The following GOLM2 variants were observed in gnomAD, a reference collection of about 807,000 sequenced individuals.
The protein encoded by GOLM2 is protein GOLM2.
Under a neutral mutation model 55.9 loss-of-function variants are expected in GOLM2, and 26 were observed. The ratio of observed to expected loss-of-function variants is 0.47; its 90% CI spans 0.34 to 0.65. GOLM2 has a LOEUF of 0.65. GOLM2 is among the 30% of genes least tolerant of loss of function. GOLM2 has a pLI of 0.01. For missense variants in GOLM2, 486 were observed against 531.8 expected (o/e 0.91, Z 0.85); for synonymous variants, 165 against 194.6 (o/e 0.85, Z 1.27).
chr15:44,378,022 T>A (rs1335699915), intron 6 of GOLM2, among the ~76,000 whole-genome samples: 1 of 149,320 alleles, frequency 6.7e-6, no homozygotes, highest in Non-Finnish European at 1.5e-5. Context: ...TATATATATA[T>A]ATTTTTTAAA....
chr15:44,307,531 A>G (rs541859700), intron 1 of GOLM2: 1 of 152,306 alleles, frequency 6.6e-6, no homozygotes, highest in African/African-American at 2.4e-5. Context: ...CTAATTCTCA[A>G]TGGGCAGAAT....
intron 1 of GOLM2, among the ~76,000 whole-genome samples, chr15:44,300,017 T>C (rs1039806813): frequency 2.7e-5 from 4 of 150,480 alleles, no homozygotes; most frequent in Non-Finnish European, 5.9e-5. Context: ...GGAGGATCAC[T>C]TGAGCCCAGG....
Position 44,380,813 on chromosome 15 carries a change from C to T in GOLM2, c.909C>T (p.His303=), listed in dbSNP as rs749075088. ...GATGTTTTTATGCCACAGATTCACA[C>T]ATAAACCACAATGGAAACCCCGGTA... The part of the protein sequence containing the change: ...PLSPNMPPDS[H]INHNGNPGTS... Residue 303 remains histidine, a synonymous_variant, in exon 8 of 10, where the codon CAC becomes CAT. Transcript: ENST00000299957. 4.6e-6 allele frequency: 7 copies of T among 1,536,010 alleles called. No homozygotes were observed. Among genetic ancestry groups the T allele is most frequent in the African/African-American group, 1.4e-5 (1 of 72,546 alleles).
rs60091801 is a variant in GOLM2 at position 44,409,592 on chromosome 15, C to CAAAAAAAAA, written c.1241-3718_1241-3710dup. 9 of 17,008 alleles carry CAAAAAAAAA rather than the reference C, an allele frequency of 5.3e-4. 1 individual carries two copies. Among genetic ancestry groups the CAAAAAAAAA allele is most frequent in the East Asian group, 2.6e-3 (2 of 764 alleles). The allele number at this position is 17,008 out of a possible 1,614,324, so 1.1% of individuals were successfully genotyped here. ...GCTACAACAGCAAGACCCTCTCTCT[C>CAAAAAAAAA]AAAAAAAAAAAAAAAAAAAAAAAAA... On this transcript the variant is annotated intron_variant, in intron 9 of 9. Coordinates refer to ENST00000299957, the MANE Select transcript of GOLM2 (RefSeq NM_138423.4).
intron 6 of GOLM2, among the ~76,000 whole-genome samples, chr15:44,362,520 C>G (rs1478125873): frequency 6.6e-6 from 1 of 151,732 alleles, no homozygotes; most frequent in Admixed American, 6.6e-5. Context: ...GAACTACAAA[C>G]CACTGCTCAA....
At chr15:44,295,326 C>T (rs909773406) in intron 1 of GOLM2, among the ~76,000 whole-genome samples, 3 of 152,132 alleles carry the variant, frequency 2.0e-5, no homozygotes, top group African/African-American at 7.2e-5. Flanking sequence ...GTGATCTGCC[C>T]ACCTTGGCCT....
intron 6 of GOLM2, among the ~76,000 whole-genome samples, chr15:44,379,333 C>T (rs1412730654): frequency 1.3e-5 from 2 of 152,020 alleles, no homozygotes; most frequent in Non-Finnish European, 2.9e-5. Context: ...AAAACTTACC[C>T]GGGCGTGGTG....
At chr15:44,338,466 CT>C (rs1178412885) in intron 6 of GOLM2, 149 bp downstream of exon 6, 7 of 623,008 alleles carry the variant, frequency 1.1e-5, no homozygotes, top group South Asian at 7.5e-5. Flanking sequence ...ATTGCCAGGA[CT>C]TTTTTTGGAT....
Position 44,289,026 on chromosome 15 carries a change from C to G in GOLM2, c.-4C>G, listed in dbSNP as rs764972087. On this transcript the variant is annotated 5_prime_UTR_variant, in exon 1 of 10. Coordinates refer to ENST00000299957, the MANE Select transcript of GOLM2 (RefSeq NM_138423.4). The surrounding 1 kb of genome is among the most constrained non-coding windows in gnomAD (Gnocchi z 4.8). ...GCCCCTAGGGTACAGCCCGATTTGGCCCCATGGTGGGTTTCGGGGCCAACC... is the reference window on the plus strand; with the variant it reads ...GCCCCTAGGGTACAGCCCGATTTGGGCCCATGGTGGGTTTCGGGGCCAACC... 1 of 1,611,182 alleles carries G rather than the reference C, an allele frequency of 6.2e-7. No individual in the cohort carries two copies. The highest frequency in any genetic ancestry group is 1.1e-5 in the South Asian group (1 of 90,790).
intron 1 of GOLM2, among the ~76,000 whole-genome samples, chr15:44,303,812 C>T (rs1237071871): frequency 5.4e-5 from 8 of 147,824 alleles, no homozygotes; most frequent in African/African-American, 1.5e-4. Context: ...CTCAGCTCAA[C>T]GCAACTTCCA....
intron 6 of GOLM2, among the ~76,000 whole-genome samples, chr15:44,375,256 T>A (rs1162614595): frequency 1.3e-5 from 2 of 152,098 alleles, no homozygotes; most frequent in Non-Finnish European, 2.9e-5. Context: ...CCTGACCTCG[T>A]GATCCGCCCA....
intron 6 of GOLM2, among the ~76,000 whole-genome samples, chr15:44,371,546 A>G (rs1340539740): frequency 1.3e-5 from 2 of 152,228 alleles, no homozygotes; most frequent in Admixed American, 6.5e-5. Context: ...GCAAATTTCA[A>G]GTGTGTTGTA....
chr15:44,391,561 A>G (rs2079489665), intron 8 of GOLM2, among the ~76,000 whole-genome samples: 1 of 151,956 alleles, frequency 6.6e-6, no homozygotes, highest in African/African-American at 2.4e-5. Context: ...ACACATTAAG[A>G]CAGGAAGAGA....
At chr15:44,412,247 AAAG>A (rs1203945363) in intron 9 of GOLM2, among the ~76,000 whole-genome samples, 1 of 152,218 alleles carries the variant, frequency 6.6e-6, no homozygotes, top group Admixed American at 6.5e-5. Flanking sequence ...CAAAATTAGA[AAAG>A]AAGGATTGCT....
intron 6 of GOLM2, among the ~76,000 whole-genome samples, chr15:44,366,622 C>T (rs181128832): frequency 2.0e-5 from 3 of 152,030 alleles, no homozygotes; most frequent in East Asian, 3.9e-4. Flanking sequence ...CAACAGAACG[C>T]GACCCTGTCT....
chr15:44,364,552 A>G (rs898343291), intron 6 of GOLM2, among the ~76,000 whole-genome samples: 3 of 151,694 alleles, frequency 2.0e-5, no homozygotes, highest in African/African-American at 7.3e-5. Context: ...AAAACTGGAC[A>G]AGTGCGGTGG....
intron 1 of GOLM2, among the ~76,000 whole-genome samples, chr15:44,317,987 G>A (rs1362654649): frequency 1.3e-5 from 2 of 151,904 alleles, no homozygotes; most frequent in African/African-American, 4.8e-5. Flanking sequence ...GATTCTATTA[G>A]TTTAGACCAG....
chr15:44,314,413 G>T (rs2078895043), intron 1 of GOLM2, among the ~76,000 whole-genome samples: 1 of 151,922 alleles, frequency 6.6e-6, no homozygotes, highest in Non-Finnish European at 1.5e-5. Context: ...ACAGAAATTA[G>T]CTGGGCATGG....
At chr15:44,297,150 G>A (rs145124166) in intron 1 of GOLM2, among the ~76,000 whole-genome samples, 2 of 152,266 alleles carry the variant, frequency 1.3e-5, no homozygotes, top group African/African-American at 2.4e-5. Flanking sequence ...ATGCAGAGGA[G>A]TTACTTGATC....
Sources: gnomAD v4.1 joint callset for allele counts (sites outside exome capture counted in the v4.1 genomes callset) on GRCh38, gnomAD v4.1.1 for gene constraint, Gnocchi (gnomAD v3.1) non-coding constraint, MANE v1.5 for transcripts, NCBI Gene and HGNC (gene_info 2026-07-23, HGNC 2026-07-21) for gene names.